Variants in DDR2 observed in about 807,000 individuals in gnomAD.
DDR2 encodes discoidin domain receptor tyrosine kinase 2.
Under a neutral mutation model 94.9 loss-of-function variants are expected in DDR2, and 27 were observed. The ratio of observed to expected loss-of-function variants is 0.28; its 90% CI spans 0.21 to 0.39. The LOEUF is 0.39. Ranked by LOEUF, DDR2 falls within the 10% of genes least tolerant of loss-of-function variation. DDR2 has a pLI of 1.00. For missense variants in DDR2, 783 were observed against 1,076.0 expected (o/e 0.73, Z 3.81); for synonymous variants, 382 against 377.2 (o/e 1.01, Z -0.15).
chr1:162,761,853 CAT>C (rs1456113746), intron 9 of DDR2, among the ~76,000 whole-genome samples: 6 of 152,166 alleles, frequency 3.9e-5, no homozygotes, highest in African/African-American at 1.4e-4. Context: ...CTTTACTAAT[CAT>C]TGATATTTTG....
chr1:162,702,509 G>A lies in DDR2; in HGVS notation c.-27-16528G>A, dbSNP rs974878498. On this transcript the variant is annotated intron_variant, in intron 2 of 17. Transcript: ENST00000367921. ...CGACTCTGAGTATAGGTCATTCATC[G>A]AATGTCTGTTACTGCTAGAGTCTTT... Among the ~76,000 whole-genome samples the A allele has an allele frequency of 5.9e-5, 9 of 152,214 alleles. No individual in the cohort carries two copies. In the East Asian group the frequency reaches 9.6e-4, roughly 16 times the overall value.
At chr1:162,670,683 A>T (rs1451817305) in intron 2 of DDR2, among the ~76,000 whole-genome samples, 1 of 152,136 alleles carries the variant, frequency 6.6e-6, no homozygotes, top group Non-Finnish European at 1.5e-5. Flanking sequence ...AATACTTTGG[A>T]TACGATTGAC....
Position 162,755,233 on chromosome 1 carries a change from G to A in DDR2, c.495G>A (p.Arg165=), listed in dbSNP as rs2102136852. ...LEPPIVARFV[R]FIPVTDHSMN... The stretch of plus-strand genomic sequence containing the variant: ...CGCCCATTGTAGCCAGATTTGTCCG[G>A]TTCATTCCAGTCACCGACCACTCCA... Residue 165 remains arginine, a synonymous_variant, in exon 6 of 18, where the codon CGG becomes CGA. Transcript: ENST00000367921. 4 of 1,614,048 alleles carry A rather than the reference G, an allele frequency of 2.5e-6. No homozygotes were observed. The highest frequency in any genetic ancestry group is 3.4e-6 in the Non-Finnish European group (4 of 1,180,004).
chr1:162,754,904 A>T, intron 5 of DDR2, 49 bp downstream of exon 5: 2 of 1,607,294 alleles, frequency 1.2e-6, no homozygotes, highest in Non-Finnish European at 1.7e-6. Context: ...CCATATTTTG[A>T]CTTAGGCTAG....
chr1:162,744,703 T>G (rs12057604), intron 3 of DDR2, among the ~76,000 whole-genome samples: 150 of 152,004 alleles, frequency 9.9e-4, no homozygotes, highest in African/African-American at 3.5e-3. Context: ...TAAAGCTGAA[T>G]AAGATTCCAT....
rs200983597 is a variant in DDR2 at position 162,773,452 on chromosome 1, A to G, written c.1729-17A>G. 8.0e-4 allele frequency: 1,290 copies of G among 1,613,110 alleles called. 5 individuals carry two copies. The highest frequency in any genetic ancestry group is 2.4e-3 in the Admixed American group (147 of 60,000). On this transcript the variant is annotated splice_polypyrimidine_tract_variant and intron_variant, in intron 13 of 17. Transcript: ENST00000367921. ...CAGGAGAAATGATGATGCTGAGACT[A>G]GATGACTTTTGTCTAGGTTCATCTC...
chr1:162,725,796 T>A (rs1246953333), intron 3 of DDR2, among the ~76,000 whole-genome samples: 1 of 152,320 alleles, frequency 6.6e-6, no homozygotes, highest in South Asian at 2.1e-4. Flanking sequence ...TGAAATTGCA[T>A]CCCAAACTTA....
At chr1:162,684,023 T>C (rs1659541551) in intron 2 of DDR2, among the ~76,000 whole-genome samples, 1 of 152,180 alleles carries the variant, frequency 6.6e-6, no homozygotes, top group African/African-American at 2.4e-5. Context: ...CTGTGTGGTA[T>C]TGACAGAAGT....
At chr1:162,776,468 C>T in intron 16 of DDR2, 98 bp downstream of exon 16, 1 of 1,039,182 alleles carries the variant, frequency 9.6e-7, no homozygotes, top group Non-Finnish European at 1.5e-6. Flanking sequence ...GAGGCAAACT[C>T]AATAGACTGT....
chr1:162,729,612 C>G (rs1246998795), intron 3 of DDR2, among the ~76,000 whole-genome samples: 2 of 149,968 alleles, frequency 1.3e-5, no homozygotes, highest in Admixed American at 1.3e-4. Context: ...GTCGTCATGA[C>G]CAGCACCTAT....
chr1:162,689,741 C>T (rs1221360651), intron 2 of DDR2, among the ~76,000 whole-genome samples: 9 of 150,812 alleles, frequency 6.0e-5, no homozygotes, highest in African/African-American at 1.7e-4. Context: ...CCGTGGCTCA[C>T]GCCTGTAATC....
At chr1:162,724,660 GAGA>G (rs1264649187) in intron 3 of DDR2, among the ~76,000 whole-genome samples, 2 of 152,194 alleles carry the variant, frequency 1.3e-5, no homozygotes, top group Non-Finnish European at 2.9e-5. Flanking sequence ...GAGATGTGCT[GAGA>G]AGGTTTATGT....
intron 3 of DDR2, among the ~76,000 whole-genome samples, chr1:162,737,327 G>T (rs1662358214): frequency 9.8e-6 from 1 of 102,042 alleles, no homozygotes. Context: ...CCCCACCACA[G>T]TCCCCAGAGT....
chr1:162,743,310 G>A (rs182238368), intron 3 of DDR2, among the ~76,000 whole-genome samples: 1 of 152,200 alleles, frequency 6.6e-6, no homozygotes, highest in Non-Finnish European at 1.5e-5. Context: ...ATGTTCCTTA[G>A]GGAAGGTAGT....
chr1:162,756,992 T>C (rs1483733100), intron 7 of DDR2, among the ~76,000 whole-genome samples: 1 of 152,214 alleles, frequency 6.6e-6, no homozygotes, highest in Non-Finnish European at 1.5e-5. Flanking sequence ...TCATTGATCC[T>C]ACCTTTAAAG....
intron 1 of DDR2, among the ~76,000 whole-genome samples, chr1:162,645,420 A>G (rs961180288): frequency 2.0e-5 from 3 of 152,204 alleles, no homozygotes; most frequent in African/African-American, 7.2e-5. Context: ...AAATGAAATC[A>G]ACTATATCTG....
upstream of DDR2, among the ~76,000 whole-genome samples, chr1:162,631,120 A>C (rs1409829954): frequency 6.6e-6 from 1 of 151,128 alleles, no homozygotes; most frequent in Non-Finnish European, 1.5e-5. Context: ...TGCTGAGCTT[A>C]TGAGACTTTT....
intron 1 of DDR2, among the ~76,000 whole-genome samples, chr1:162,633,154 G>A (rs1267662359): frequency 1.3e-5 from 2 of 152,138 alleles, no homozygotes; most frequent in Non-Finnish European, 2.9e-5. Flanking sequence ...TGAGATTTGG[G>A]GTGGCTAGGG....
chr1:162,689,258 GTGA>G (rs1417125745), intron 2 of DDR2, among the ~76,000 whole-genome samples: 1 of 152,200 alleles, frequency 6.6e-6, no homozygotes, highest in African/African-American at 2.4e-5. Flanking sequence ...ATTGTGTGAG[GTGA>G]TGGTTAATAC....
Sources: allele counts gnomAD v4.1 joint callset (sites outside exome capture counted in the v4.1 genomes callset), GRCh38; gene constraint gnomAD v4.1.1; transcripts MANE v1.5; gene names NCBI Gene and HGNC (gene_info 2026-07-23, HGNC 2026-07-21).